The following BIN3 variants were observed in gnomAD, a reference collection of about 807,000 sequenced individuals.
The protein encoded by BIN3 is bridging integrator 3.
A neutral mutation model predicts 38.2 loss-of-function variants in BIN3; 41 were observed. That is an observed-to-expected ratio of 1.07 (90% CI 0.84 to 1.39). BIN3 has a LOEUF of 1.39. BIN3 is among the 40% of genes most tolerant of loss of function. The probability of loss-of-function intolerance (pLI) is 0.00; values close to 1 mark genes in which losing one functional copy is unlikely to be tolerated. For synonymous variants in BIN3, 145 were observed against 122.6 expected (o/e 1.18, Z -1.21); for missense variants, 361 against 324.3 (o/e 1.11, Z -0.87).
intron 6 of BIN3, among the ~76,000 whole-genome samples, chr8:22,629,350 C>T (rs1214691477): frequency 1.3e-5 from 2 of 152,170 alleles, no homozygotes; most frequent in African/African-American, 2.4e-5. Context: ...CTTTAAGGCA[C>T]GGCTCTGCCT....
chr8:22,630,309 G>GCAGCACACGAGGC, intron 5 of BIN3, 133 bp downstream of exon 5: 1 of 1,314,828 alleles, frequency 7.6e-7, no homozygotes, highest in South Asian at 1.4e-5. Context: ...GCAGCACCTT[G>GCAGCACACGAGGC]CAGCACACGA....
At chr8:22,654,355 C>T (rs1202409990) in intron 1 of BIN3, among the ~76,000 whole-genome samples, 2 of 152,142 alleles carry the variant, frequency 1.3e-5, no homozygotes, top group Non-Finnish European at 2.9e-5. Context: ...AAATAACATA[C>T]CATAACATTC....
chr8:22,666,679 A>G (rs1201022344), intron 1 of BIN3, among the ~76,000 whole-genome samples: 1 of 152,212 alleles, frequency 6.6e-6, no homozygotes, highest in African/African-American at 2.4e-5. Context: ...CTCTTCATGC[A>G]AAGTCCACAG....
intron 1 of BIN3, among the ~76,000 whole-genome samples, chr8:22,654,957 G>A (rs1240059169): frequency 2.0e-5 from 3 of 152,148 alleles, no homozygotes; most frequent in African/African-American, 4.8e-5. Context: ...GTATATAAGG[G>A]TTCCAATTTC....
chr8:22,645,114 A>T lies in BIN3; in HGVS notation c.9-311T>A, dbSNP rs147964816. ...AAGGAGTTTGAGGCTGTAGTGACCT[A>T]TAATTGCACCACTGTTCTCTAGCCT... On this transcript the variant is annotated intron_variant, in intron 1 of 8. Transcript: ENST00000276416. 1.5e-3 allele frequency among the ~76,000 whole-genome samples: 226 copies of T among 152,014 alleles called. 2 individuals carry two copies. Among genetic ancestry groups the T allele is most frequent in the African/African-American group, 5.2e-3 (216 of 41,448 alleles).
chr8:22,623,572 C>T (rs1384942428), intron 8 of BIN3, among the ~76,000 whole-genome samples: 10 of 152,214 alleles, frequency 6.6e-5, no homozygotes, highest in African/African-American at 1.9e-4. Context: ...TTCTCGGCAC[C>T]ACCCTGGGCC....
At chr8:22,627,573 T>TACCCA (rs1465572057) in intron 6 of BIN3, among the ~76,000 whole-genome samples, 3 of 151,778 alleles carry the variant, frequency 2.0e-5, no homozygotes, top group African/African-American at 7.3e-5. Context: ...CTGCTGACTC[T>TACCCA]ACCCAACCAC....
intron 1 of BIN3, among the ~76,000 whole-genome samples, chr8:22,646,488 G>A (rs1358617285): frequency 1.3e-5 from 2 of 152,110 alleles, no homozygotes; most frequent in Non-Finnish European, 2.9e-5. Flanking sequence ...ATTAACCACC[G>A]ATAATGACCC....
At chr8:22,635,421 G>A (rs1802336064) in intron 4 of BIN3, among the ~76,000 whole-genome samples, 1 of 152,090 alleles carries the variant, frequency 6.6e-6, no homozygotes, top group South Asian at 2.1e-4. Flanking sequence ...GGCAGTCCTG[G>A]CCATACCCAA....
Position 22,621,254 on chromosome 8 carries a change from C to T in BIN3, c.*168G>A. 1 of 916,942 alleles carries T rather than the reference C, an allele frequency of 1.1e-6. No individual in the cohort carries two copies. The highest frequency in any genetic ancestry group is 1.6e-6 in the Non-Finnish European group (1 of 623,360). The allele number at this position is 916,942 out of a possible 1,614,324, so 56.8% of individuals were successfully genotyped here. ...TGTGAGTGGGGAGACGGCGGCCTGC[C>T]TAGGGCTCCTGGTGCCAGGCTCAGG... On this transcript the variant is annotated 3_prime_UTR_variant, in exon 9 of 9. Coordinates refer to ENST00000276416, the MANE Select transcript of BIN3 (RefSeq NM_018688.6).
chr8:22,634,715 A>T (rs530148418), intron 4 of BIN3, among the ~76,000 whole-genome samples: 9 of 152,298 alleles, frequency 5.9e-5, no homozygotes, highest in African/African-American at 2.2e-4. Context: ...AGGCTCACAG[A>T]CAGCCAAGCA....
chr8:22,643,735 T>G (rs1361077148), intron 2 of BIN3, among the ~76,000 whole-genome samples: 4 of 152,178 alleles, frequency 2.6e-5, no homozygotes, highest in Non-Finnish European at 4.4e-5. Flanking sequence ...CCTGTACTTT[T>G]GAGAGCTCTG....
rs759588067 is a variant in BIN3 at position 22,621,536 on chromosome 8, A to G, written c.648T>C (p.Phe216=). 6.8e-6 allele frequency: 11 copies of G among 1,613,792 alleles called. No homozygotes were observed. In the Middle Eastern group the frequency reaches 6.6e-4, roughly 97 times the overall value. Residue 216 remains phenylalanine, a synonymous_variant, in exon 9 of 9, where the codon TTT becomes TTC. Transcript: ENST00000276416. ...VVYYSEMHKI[F]GDLSHQLDQP... ...GGTCAAGCTGATGGGACAGGTCTCC[A>G]AAGATCTTGTGCATTTCCGAGTAGT...
chr8:22,633,990 A>G (rs1161428785), intron 4 of BIN3, among the ~76,000 whole-genome samples: 2 of 152,210 alleles, frequency 1.3e-5, no homozygotes, highest in Non-Finnish European at 2.9e-5. Context: ...TGGGAAACTA[A>G]GCTTTCCACA....
rs140798612 is a variant in BIN3, at chr8:22,664,850, C to T, written c.8+4194G>A. 5.5e-3 allele frequency among the ~76,000 whole-genome samples: 841 copies of T among 152,306 alleles called. 9 individuals carry two copies. Among genetic ancestry groups the T allele is most frequent in the African/African-American group, 0.02 (811 of 41,552 alleles). On this transcript the variant is annotated intron_variant, in intron 1 of 8. Coordinates refer to ENST00000276416, the MANE Select transcript of BIN3 (RefSeq NM_018688.6). ...TTAGAAGCACTCTACACATGTGAGACAGCAACGGTAATCATAGGGGAAAGG... is the reference window on the plus strand; with the variant it reads ...TTAGAAGCACTCTACACATGTGAGATAGCAACGGTAATCATAGGGGAAAGG...
chr8:22,659,891 G>A (rs887617290), intron 1 of BIN3, among the ~76,000 whole-genome samples: 26 of 152,234 alleles, frequency 1.7e-4, no homozygotes, highest in African/African-American at 5.3e-4. Context: ...GTTTTTTTGC[G>A]AAGGTAGTAG....
At chr8:22,636,804 G>A (rs1802381192) in intron 3 of BIN3, 118 bp downstream of exon 3, 1 of 1,199,386 alleles carries the variant, frequency 8.3e-7, no homozygotes, top group Non-Finnish European at 1.2e-6. Context: ...GGTGACCTGA[G>A]CTGCCCTCAG....
intron 1 of BIN3, among the ~76,000 whole-genome samples, chr8:22,658,422 G>A (rs1026766869): frequency 1.3e-5 from 2 of 152,190 alleles, no homozygotes; most frequent in Admixed American, 6.5e-5. Flanking sequence ...GATGCCAGTT[G>A]GCTAATTCTG....
intron 1 of BIN3, among the ~76,000 whole-genome samples, chr8:22,649,468 G>T (rs1802813685): frequency 6.6e-6 from 1 of 151,304 alleles, no homozygotes; most frequent in South Asian, 2.1e-4. Flanking sequence ...AGGGGATGGG[G>T]TGGGTGGGGG....
Sources: allele counts gnomAD v4.1 joint callset (sites outside exome capture counted in the v4.1 genomes callset), GRCh38; gene constraint gnomAD v4.1.1; transcripts MANE v1.5; gene names NCBI Gene and HGNC (gene_info 2026-07-23, HGNC 2026-07-21).